Variants in MSRA observed in about 807,000 individuals in gnomAD.
The protein encoded by MSRA is methionine sulfoxide reductase A.
A neutral mutation model predicts 31.3 loss-of-function variants in MSRA; 54 were observed. The ratio of observed to expected loss-of-function variants is 1.73; its 90% CI spans 1.39 to 2.17. MSRA has a LOEUF of 2.17. Ranked by LOEUF, MSRA falls within the 30% of genes most tolerant of loss-of-function variation. The pLI is 0.00. For missense variants in MSRA, 507 were observed against 300.9 expected (o/e 1.69, Z -5.07); for synonymous variants, 169 against 116.5 (o/e 1.45, Z -2.90).
At chr8:10,093,104 A>G (rs1046093350) in intron 1 of MSRA, among the ~76,000 whole-genome samples, 7 of 152,108 alleles carry the variant, frequency 4.6e-5, no homozygotes, top group African/African-American at 1.4e-4. Context: ...TGTAGACAGC[A>G]TATAGTTGAA....
chr8:10,336,880 G>T (rs1436111054), intron 5 of MSRA: 5 of 152,162 alleles, frequency 3.3e-5, no homozygotes, highest in African/African-American at 1.2e-4. Flanking sequence ...GGGGCAAAAT[G>T]GGAATTAACA....
rs867222452 is a variant in MSRA, at chr8:10,153,514, C to T, written c.143-54319C>T. On this transcript the variant is annotated intron_variant, in intron 1 of 5. Transcript: ENST00000317173. Reference sequence around the variant, plus strand: ...GTCTTTCTTCAGGACAGCTTTCTACCTTCCTTTTTTTTTGCCATTTTAAGA... The same window carrying T: ...GTCTTTCTTCAGGACAGCTTTCTACTTTCCTTTTTTTTTGCCATTTTAAGA... 4.6e-5 allele frequency among the ~76,000 whole-genome samples: 4 copies of T among 87,258 alleles called. No homozygotes were observed. In the South Asian group the frequency reaches 2.6e-3, roughly 58 times the overall value. 57.2% of individuals were successfully genotyped at this position (87,258 alleles called of 152,430 possible).
intron 1 of MSRA, among the ~76,000 whole-genome samples, chr8:10,086,013 TC>T (rs1321684096): frequency 6.6e-6 from 1 of 152,202 alleles, no homozygotes; most frequent in Non-Finnish European, 1.5e-5. Flanking sequence ...GAATAATTCT[TC>T]CATGAATGTA....
intron 1 of MSRA, among the ~76,000 whole-genome samples, chr8:10,061,496 G>A (rs150635110): frequency 3.3e-5 from 5 of 152,030 alleles, no homozygotes; most frequent in South Asian, 2.1e-4. Flanking sequence ...GGCATCTTGC[G>A]TTGCTAATTA....
chr8:10,379,558 C>T (rs1281677785), intron 5 of MSRA, among the ~76,000 whole-genome samples: 1 of 152,206 alleles, frequency 6.6e-6, no homozygotes, highest in African/African-American at 2.4e-5. Context: ...TCCTTCCTCT[C>T]ATGCCCCCTC....
At chr8:10,362,510 T>G (rs1185382207) in intron 5 of MSRA, among the ~76,000 whole-genome samples, 10 of 136,614 alleles carry the variant, frequency 7.3e-5, no homozygotes, top group Non-Finnish European at 7.8e-5. Flanking sequence ...AGGCTGTGGG[T>G]GGTGGAACTG....
intron 1 of MSRA, among the ~76,000 whole-genome samples, chr8:10,166,057 C>A (rs573803985): frequency 9.9e-5 from 15 of 152,208 alleles, no homozygotes; most frequent in Middle Eastern, 3.4e-3. Flanking sequence ...AGGATGGACC[C>A]TCAAGGCAGC....
intron 5 of MSRA, chr8:10,337,772 G>T: frequency 4.3e-6 from 3 of 702,556 alleles, no homozygotes; most frequent in Non-Finnish European, 7.8e-6. Flanking sequence ...TGCTCAACTC[G>T]CCTGGGTGCA....
intron 3 of MSRA, among the ~76,000 whole-genome samples, chr8:10,279,649 G>A (rs1028762767): frequency 6.6e-6 from 1 of 152,192 alleles, no homozygotes; most frequent in Non-Finnish European, 1.5e-5. Context: ...TTACAAAATG[G>A]TTGAGTATTA....
intron 1 of MSRA, among the ~76,000 whole-genome samples, chr8:10,094,190 T>C (rs1302742018): frequency 1.3e-5 from 2 of 152,242 alleles, no homozygotes; most frequent in Admixed American, 6.5e-5. Context: ...TGTAGCATTT[T>C]ATTGATCTAT....
At chr8:10,236,845 C>T (rs932377028) in intron 2 of MSRA, among the ~76,000 whole-genome samples, 1 of 152,152 alleles carries the variant, frequency 6.6e-6, no homozygotes. Flanking sequence ...CATGTCTGGC[C>T]AAATGCTTAA....
chr8:10,196,093 C>T (rs369136054), intron 1 of MSRA, among the ~76,000 whole-genome samples: 2 of 152,214 alleles, frequency 1.3e-5, no homozygotes, highest in African/African-American at 4.8e-5. Flanking sequence ...CCCCGCTCAG[C>T]TGCTCTCTGA....
At chr8:10,155,785 G>C (rs919581480) in intron 1 of MSRA, among the ~76,000 whole-genome samples, 1 of 152,124 alleles carries the variant, frequency 6.6e-6, no homozygotes, top group Admixed American at 6.5e-5. Flanking sequence ...ACAGTGATGA[G>C]AGTTGGGCTG....
intron 1 of MSRA, among the ~76,000 whole-genome samples, chr8:10,109,766 G>C (rs542103449): frequency 6.6e-6 from 1 of 152,206 alleles, no homozygotes; most frequent in Non-Finnish European, 1.5e-5. Flanking sequence ...TTAATGAGGA[G>C]ATGAAGTCAT....
intron 1 of MSRA, among the ~76,000 whole-genome samples, chr8:10,161,552 T>C (rs1181005545): frequency 1.3e-5 from 2 of 152,206 alleles, no homozygotes; most frequent in Non-Finnish European, 2.9e-5. Flanking sequence ...TGGGAAATGC[T>C]TTGGTCTCTT....
chr8:10,319,586 T>G (rs1276806143), intron 4 of MSRA, among the ~76,000 whole-genome samples: 1 of 151,736 alleles, frequency 6.6e-6, no homozygotes, highest in Non-Finnish European at 1.5e-5. Context: ...GATCGTTGTT[T>G]AAGTATTTCA....
intron 5 of MSRA, among the ~76,000 whole-genome samples, chr8:10,389,159 A>G (rs35472251): frequency 0.28 from 42,511 of 152,096 alleles, 6,973 homozygotes; most frequent in Non-Finnish European, 0.37. Flanking sequence ...GGGCCCCAGC[A>G]CAGGCAATCC....
intron 2 of MSRA, among the ~76,000 whole-genome samples, chr8:10,233,292 C>T (rs554183009): frequency 2.6e-5 from 4 of 152,156 alleles, no homozygotes; most frequent in African/African-American, 9.6e-5. Context: ...GGTGACACAC[C>T]CATGTGTGTG....
chr8:10,129,504 C>A (rs1325909507), intron 1 of MSRA, among the ~76,000 whole-genome samples: 1 of 152,012 alleles, frequency 6.6e-6, no homozygotes, highest in African/African-American at 2.4e-5. Context: ...TTCTCTTGCC[C>A]TGCAGCCTCT....
Sources: gnomAD v4.1 joint callset for allele counts (sites outside exome capture counted in the v4.1 genomes callset) on GRCh38, gnomAD v4.1.1 for gene constraint, MANE v1.5 for transcripts, NCBI Gene and HGNC (gene_info 2026-07-23, HGNC 2026-07-21) for gene names.